The following JAKMIP2 variants were observed in gnomAD, a reference collection of about 807,000 sequenced individuals.
JAKMIP2 encodes the protein janus kinase and microtubule-interacting protein 2.
JAKMIP2 carries 25 observed loss-of-function variants against 115.0 expected under a neutral mutation model. The observed-to-expected ratio is 0.22, with a 90% CI of 0.16 to 0.30. The LOEUF is 0.30. JAKMIP2 is among the 10% of genes least tolerant of loss of function. JAKMIP2 has a pLI of 1.00. For synonymous variants in JAKMIP2, 334 were observed against 343.6 expected, an observed-to-expected ratio of 0.97 and a Z score of 0.31; for missense variants, 642 against 957.6, an observed-to-expected ratio of 0.67 and a Z score of 4.35.
intron 1 of JAKMIP2, among the ~76,000 whole-genome samples, chr5:147,763,735 G>A (rs1755014955): frequency 6.6e-6 from 1 of 152,102 alleles, no homozygotes; most frequent in Admixed American, 6.6e-5. Flanking sequence ...AATGAATTAG[G>A]CACTTTGAGC....
chr5:147,613,283 G>A (rs919495770), intron 19 of JAKMIP2, among the ~76,000 whole-genome samples: 7 of 152,074 alleles, frequency 4.6e-5, no homozygotes, highest in Admixed American at 2.0e-4. Flanking sequence ...TACCTCTGTA[G>A]GGAATAATTA....
chr5:147,612,125 G>A (rs566421646), intron 20 of JAKMIP2, 181 bp downstream of exon 20: 3 of 734,808 alleles, frequency 4.1e-6, no homozygotes, highest in African/African-American at 3.4e-5. Flanking sequence ...CTGGGTTACT[G>A]ATGGCAGACG....
chr5:147,684,130 A>C (rs1027062838), intron 1 of JAKMIP2, among the ~76,000 whole-genome samples: 2 of 152,164 alleles, frequency 1.3e-5, no homozygotes, highest in African/African-American at 4.8e-5. Flanking sequence ...GACTAATGGA[A>C]GGTAGTCAAC....
chr5:147,721,207 C>T (rs914411016), intron 1 of JAKMIP2, among the ~76,000 whole-genome samples: 2 of 151,694 alleles, frequency 1.3e-5, no homozygotes, highest in South Asian at 2.1e-4. Context: ...TCTGCCCGTT[C>T]TCAGATCTCC....
At chr5:147,761,116 T>C (rs1040290674) in intron 1 of JAKMIP2, among the ~76,000 whole-genome samples, 1 of 152,128 alleles carries the variant, frequency 6.6e-6, no homozygotes, top group African/African-American at 2.4e-5. Context: ...ATAGAGTTTT[T>C]GTAAAGTAAC....
At chr5:147,706,985 AT>A (rs1158714479) in intron 1 of JAKMIP2, among the ~76,000 whole-genome samples, 1 of 152,152 alleles carries the variant, frequency 6.6e-6, no homozygotes, top group Non-Finnish European at 1.5e-5. Context: ...AAGCTAATGT[AT>A]TTACCTGTGT....
intron 14 of JAKMIP2, 123 bp downstream of exon 14, chr5:147,631,290 T>C: frequency 1.7e-6 from 1 of 584,346 alleles, no homozygotes; most frequent in Non-Finnish European, 3.0e-6. Context: ...AATTCCTACA[T>C]AGTTTGTATC....
At chr5:147,647,846 T>C (rs770071920) in intron 5 of JAKMIP2, among the ~76,000 whole-genome samples, 1 of 152,162 alleles carries the variant, frequency 6.6e-6, no homozygotes, top group Non-Finnish European at 1.5e-5. Context: ...AGAAACGACA[T>C]GTAGAAGCAC....
At chr5:147,720,610 C>T (rs530772494) in intron 1 of JAKMIP2, among the ~76,000 whole-genome samples, 189 of 152,212 alleles carry the variant, frequency 1.2e-3, no homozygotes, top group African/African-American at 4.3e-3. Context: ...CATCTTCCAT[C>T]GCTGATATCC....
intron 1 of JAKMIP2, among the ~76,000 whole-genome samples, chr5:147,699,199 G>A (rs1045558570): frequency 3.3e-5 from 5 of 152,146 alleles, no homozygotes; most frequent in East Asian, 1.9e-4. Flanking sequence ...AGAAAATAAC[G>A]GCAGTTAAAG....
chr5:147,779,237 A>G lies in JAKMIP2; in HGVS notation c.-149+3219T>C, dbSNP rs911472801. Among the ~76,000 whole-genome samples the G allele has an allele frequency of 1.6e-4, 25 of 152,254 alleles. 1 individual carries two copies. The highest frequency in any genetic ancestry group is 6.0e-4 in the African/African-American group (25 of 41,586). ...ATAAGAAACATCCTATTACAAAGTG[A>G]GAAATTAATTAGTGTGTCTTAATTA... On this transcript the variant is annotated intron_variant, in intron 1 of 21. Transcript: ENST00000616793.
rs184207721 is a variant in JAKMIP2, at chr5:147,674,008, T to C, written c.-148-2054A>G. The stretch of plus-strand genomic sequence containing the variant: ...TGTATATACATACAACACCCCATTA[T>C]GCAAACACCAGACTTGTATATACAT... On this transcript the variant is annotated intron_variant, in intron 1 of 21. Coordinates refer to ENST00000616793, the MANE Select transcript of JAKMIP2 (RefSeq NM_001270941.2). 2.8e-3 allele frequency among the ~76,000 whole-genome samples: 427 copies of C among 152,262 alleles called. 5 individuals carry two copies. Among genetic ancestry groups the C allele is most frequent in the African/African-American group, 9.6e-3 (398 of 41,554 alleles).
intron 1 of JAKMIP2, among the ~76,000 whole-genome samples, chr5:147,778,360 C>A (rs1430557911): frequency 1.3e-5 from 2 of 151,806 alleles, no homozygotes; most frequent in Non-Finnish European, 2.9e-5. Flanking sequence ...GTGTATTTGG[C>A]AATTAAATAT....
At chr5:147,622,768 C>T (rs920054833) in intron 17 of JAKMIP2, among the ~76,000 whole-genome samples, 1 of 152,108 alleles carries the variant, frequency 6.6e-6, no homozygotes, top group Non-Finnish European at 1.5e-5. Flanking sequence ...GGATACACAC[C>T]CAGAAGTGGT....
intron 18 of JAKMIP2, among the ~76,000 whole-genome samples, chr5:147,620,344 G>A (rs1158903924): frequency 6.6e-6 from 1 of 152,004 alleles, no homozygotes; most frequent in Non-Finnish European, 1.5e-5. Context: ...TGAATTCCTG[G>A]GCTCAAGGGA....
intron 17 of JAKMIP2, among the ~76,000 whole-genome samples, chr5:147,622,514 C>A (rs113788526): frequency 0.013 from 1,953 of 152,332 alleles, 44 homozygotes; most frequent in African/African-American, 0.044. Context: ...ATTTACAATT[C>A]TGTGAATAGC....
intron 1 of JAKMIP2, among the ~76,000 whole-genome samples, chr5:147,720,376 C>G (rs1753218521): frequency 1.3e-5 from 2 of 149,600 alleles, no homozygotes; most frequent in African/African-American, 4.9e-5. Flanking sequence ...TCTGTATTTC[C>G]TGAATCTGAA....
intron 1 of JAKMIP2, among the ~76,000 whole-genome samples, chr5:147,739,134 C>G (rs908670726): frequency 1.3e-5 from 2 of 152,008 alleles, no homozygotes; most frequent in South Asian, 4.1e-4. Context: ...CTTGAATGAG[C>G]CTGCTGGGGA....
At chr5:147,634,678 T>C (rs1205581857) in intron 12 of JAKMIP2, among the ~76,000 whole-genome samples, 2 of 152,200 alleles carry the variant, frequency 1.3e-5, no homozygotes, top group East Asian at 3.9e-4. Context: ...CAGTTCTCGA[T>C]TTTTGAATAC....
Sources: allele counts gnomAD v4.1 joint callset (sites outside exome capture counted in the v4.1 genomes callset), GRCh38; gene constraint gnomAD v4.1.1; transcripts MANE v1.5; gene names NCBI Gene and HGNC (gene_info 2026-07-23, HGNC 2026-07-21).